The following RPS6KA1 variants were observed in gnomAD, a reference collection of about 807,000 sequenced individuals.
RPS6KA1 encodes the protein ribosomal protein S6 kinase A1.
A neutral mutation model predicts 91.3 loss-of-function variants in RPS6KA1; 48 were observed. The observed-to-expected ratio is 0.53, with a 90% confidence interval of 0.42 to 0.67. The LOEUF is 0.67. Among genes scored for constraint, RPS6KA1 ranks in the 30% least tolerant of loss-of-function variants. RPS6KA1 has a pLI of 0.00. For synonymous variants in RPS6KA1, 359 were observed against 384.7 expected (o/e 0.93, Z 0.78); for missense variants, 719 against 960.5 (o/e 0.75, Z 3.32).
chr1:26,537,692 T>G (rs1381463481), intron 2 of RPS6KA1, among the ~76,000 whole-genome samples: 1 of 152,232 alleles, frequency 6.6e-6, no homozygotes, highest in Non-Finnish European at 1.5e-5. Context: ...TCACAGGAGA[T>G]GCTGGCTATG....
In RPS6KA1 at chr1:26,573,328, C is replaced by T. The variant is rs2076266725; in HGVS notation, c.2052C>T (p.Ser684=). 1 of 1,614,100 alleles carries T rather than the reference C, an allele frequency of 6.2e-7. No homozygotes were observed. The highest frequency in any genetic ancestry group is 1.1e-5 in the South Asian group (1 of 91,092). Residue 684 remains serine, a synonymous_variant, in exon 21 of 22, where the codon AGC becomes AGT. Transcript: ENST00000374168. ...CCCAGAAAGACAAGCTTCCCCAAAG[C>T]CAGCTGTCCCACCAGGACCTACAGC... ...WVTQKDKLPQ[S]QLSHQDLQLV... is the part of the protein sequence containing the mutation.
intron 1 of RPS6KA1, among the ~76,000 whole-genome samples, chr1:26,532,035 A>C (rs2075871497): frequency 6.6e-6 from 1 of 152,138 alleles, no homozygotes; most frequent in African/African-American, 2.4e-5. Context: ...CCTAGCCAGG[A>C]AGGAGGCAGG....
rs2075853799 is a variant in RPS6KA1, at chr1:26,529,785, C to A, written c.-136C>A. The A allele has an allele frequency of 4.0e-6, 2 of 501,742 alleles. No individual in the cohort carries two copies. Among genetic ancestry groups the A allele is most frequent in the Non-Finnish European group, 5.7e-6 (2 of 351,202 alleles). The allele number at this position is 501,742 out of a possible 1,614,324, so 31.1% of individuals were successfully genotyped here. A position where few individuals can be genotyped will look rare whatever the true frequency, so the allele number is the denominator to read the frequency against. On this transcript the variant is annotated 5_prime_UTR_variant, in exon 1 of 22. Transcript: ENST00000374168. The surrounding 1 kb of genome is among the most constrained non-coding windows in gnomAD (Gnocchi z 4.2). ...CGAAGTGCTAGTGCCGCGGCGGCGG[C>A]GGCGGACGGCCCAGCCGGAGCGCGA...
chr1:26,549,228 A>T (rs969039460), intron 4 of RPS6KA1, among the ~76,000 whole-genome samples: 7 of 151,662 alleles, frequency 4.6e-5, no homozygotes, highest in Non-Finnish European at 1.0e-4. Flanking sequence ...TTGCTCAGAC[A>T]TTTTGTCTGG....
At chr1:26,573,192 TC>T (rs768103151) in intron 20 of RPS6KA1, 31 bp from the exon 21 acceptor site, 1 of 1,608,696 alleles carries the variant, frequency 6.2e-7, no homozygotes, top group Non-Finnish European at 8.5e-7. Context: ...CCTGCAGCCC[TC>T]CCCCAACCCC....
intron 20 of RPS6KA1, among the ~76,000 whole-genome samples, chr1:26,572,540 T>C (rs1392693069): frequency 6.6e-6 from 1 of 152,038 alleles, no homozygotes; most frequent in Admixed American, 6.6e-5. Flanking sequence ...GAGGGCTGCA[T>C]CATCACAGTC....
At chr1:26,531,911 G>A (rs527922299) in intron 1 of RPS6KA1, among the ~76,000 whole-genome samples, 2 of 152,268 alleles carry the variant, frequency 1.3e-5, no homozygotes, top group Non-Finnish European at 2.9e-5. Flanking sequence ...CAGCCACGGC[G>A]CAGGTTGGGC....
intron 20 of RPS6KA1, among the ~76,000 whole-genome samples, 188 bp downstream of exon 20, chr1:26,572,481 C>T (rs755188998): frequency 1.2e-4 from 18 of 151,986 alleles, no homozygotes; most frequent in African/African-American, 1.7e-4. Context: ...GTTGGGGTAA[C>T]CTGGTGATCA....
At position 26,573,364 on chromosome 1, in the gene RPS6KA1, A is replaced by G. The variant is rs1351540949; in HGVS notation, c.2085+3A>G. On this transcript the variant is annotated splice_donor_region_variant and intron_variant, in intron 21 of 21. Coordinates refer to ENST00000374168, the MANE Select transcript of RPS6KA1 (RefSeq NM_002953.4). The stretch of plus-strand genomic sequence containing the variant: ...ACCAGGACCTACAGCTTGTGAAGGT[A>G]TGGCCACCCTTGGGCTGCTGGGCAT... The G allele has an allele frequency of 1.9e-6, 3 of 1,614,024 alleles. No individual in the cohort carries two copies. Among genetic ancestry groups the G allele is most frequent in the Non-Finnish European group, 2.5e-6 (3 of 1,180,004 alleles).
chr1:26,544,110 C>T (rs964674808), intron 2 of RPS6KA1: 6 of 456,178 alleles, frequency 1.3e-5, no homozygotes, highest in Non-Finnish European at 2.6e-5. Flanking sequence ...TGCCCTTAAC[C>T]CCTTCCTGGG....
At chr1:26,549,738 A>T in intron 4 of RPS6KA1, among the ~76,000 whole-genome samples, 1 of 122,768 alleles carries the variant, frequency 8.1e-6, no homozygotes, top group Non-Finnish European at 1.6e-5. Flanking sequence ...GTCTCACTCT[A>T]TCGCTCAGAC....
At chr1:26,538,871 A>C (rs1261375556) in intron 2 of RPS6KA1, among the ~76,000 whole-genome samples, 1 of 152,184 alleles carries the variant, frequency 6.6e-6, no homozygotes, top group African/African-American at 2.4e-5. Flanking sequence ...TTCTGGGCTT[A>C]ATACACCAGG....
At chr1:26,557,121 G>T (rs373751882) in intron 13 of RPS6KA1, 21 bp downstream of exon 13, 1 of 1,596,596 alleles carries the variant, frequency 6.3e-7, no homozygotes. Flanking sequence ...TATCTGTTTT[G>T]TCTGTCTTGG....
rs751697343 is a variant in RPS6KA1 at position 26,560,763 on chromosome 1, A to G, written c.1253A>G (p.Tyr418Cys). Residue 418 changes from tyrosine to cysteine, a missense_variant, in exon 15 of 22, where the codon TAC (tyrosine) becomes TGC (cysteine). This residue lies in a region of RPS6KA1 where 228 missense variants were observed against 247.6 expected (regional missense o/e 0.92). Coordinates refer to ENST00000374168, the MANE Select transcript of RPS6KA1 (RefSeq NM_002953.4). ...HGKNLVFSDGYVVKETIGVGS... is the reference protein window; with the variant it reads ...HGKNLVFSDGCVVKETIGVGS... ...AAGAACCTGGTTTTTAGTGACGGCT[A>G]CGTGGTAAAGGAGACAATTGGTGTG... The G allele has an allele frequency of 2.5e-6, 4 of 1,614,074 alleles. No homozygotes were observed. In the African/African-American group the frequency reaches 5.3e-5, roughly 22 times the overall value.
intron 7 of RPS6KA1, 58 bp downstream of exon 7, chr1:26,553,555 G>T: frequency 9.0e-7 from 1 of 1,116,126 alleles, no homozygotes; most frequent in Non-Finnish European, 1.3e-6. Flanking sequence ...TTCTAGGACA[G>T]GGCCATCCTG....
intron 17 of RPS6KA1, among the ~76,000 whole-genome samples, chr1:26,567,538 G>A (rs747106474): frequency 3.3e-5 from 5 of 152,178 alleles, no homozygotes; most frequent in African/African-American, 4.8e-5. Flanking sequence ...ATGCCACCAC[G>A]CCCGGCTAAC....
chr1:26,554,069 C>T lies in RPS6KA1; in HGVS notation c.576-145C>T, dbSNP rs1017995729. On this transcript the variant is annotated intron_variant, in intron 7 of 21. Transcript: ENST00000374168. The surrounding 1 kb of genome is among the most constrained non-coding windows in gnomAD (Gnocchi z 4.6). The stretch of plus-strand genomic sequence containing the variant: ...GCAACACCCCTGCGTGGTACTGCTA[C>T]CACCCTGCAACACCCGCCCAGTCAT... 1.3e-6 allele frequency: 1 copy of T among 779,552 alleles called. No individual in the cohort carries two copies. The highest frequency in any genetic ancestry group is 2.1e-6 in the Non-Finnish European group (1 of 486,086). 48.3% of individuals were successfully genotyped at this position (779,552 alleles called of 1,614,324 possible). A position where few individuals can be genotyped will look rare whatever the true frequency, so the allele number is the denominator to read the frequency against.
At chr1:26,544,182 T>C in intron 2 of RPS6KA1, 1 of 456,330 alleles carries the variant, frequency 2.2e-6, no homozygotes, top group South Asian at 1.5e-5. Flanking sequence ...GCCCTAGGTA[T>C]TGTCAGTCTG....
chr1:26,543,710 A>C (rs963054232), intron 2 of RPS6KA1, among the ~76,000 whole-genome samples: 2 of 152,130 alleles, frequency 1.3e-5, no homozygotes, highest in African/African-American at 4.8e-5. Flanking sequence ...ACCTGCCCAC[A>C]CTTTCCTGGC....
Sources: gnomAD v4.1 joint callset for allele counts (sites outside exome capture counted in the v4.1 genomes callset) on GRCh38, gnomAD v4.1.1 for gene constraint, gnomAD v4.1.1 regional missense constraint, Gnocchi (gnomAD v3.1) non-coding constraint, MANE v1.5 for transcripts, NCBI Gene and HGNC (gene_info 2026-07-23, HGNC 2026-07-21) for gene names.